Variants in SEC14L6 observed in about 807,000 individuals in gnomAD.
SEC14L6 encodes SEC14 like lipid binding 6, also known as SEC14-like protein 6.
Under a neutral mutation model 54.1 loss-of-function variants are expected in SEC14L6, and 40 were observed. The observed-to-expected ratio is 0.74, with a 90% CI of 0.57 to 0.96. The LOEUF is 0.96. Among genes scored for constraint, SEC14L6 ranks in the 40% least tolerant of loss-of-function variants. The pLI, the probability that SEC14L6 is intolerant of heterozygous loss-of-function variation, is 0.00. For missense variants in SEC14L6, 471 were observed against 498.3 expected (o/e 0.95, Z 0.52); for synonymous variants, 171 against 198.4 (o/e 0.86, Z 1.16).
chr22:30,540,367 CT>C (rs753718105), intron 1 of SEC14L6, among the ~76,000 whole-genome samples: 4,182 of 114,044 alleles, frequency 0.037, 73 homozygotes, highest in African/African-American at 0.088. Context: ...CTTTTTGTTC[CT>C]TTTTTTTTTT....
intron 8 of SEC14L6, among the ~76,000 whole-genome samples, chr22:30,526,662 A>G (rs1936790790): frequency 6.6e-6 from 1 of 151,518 alleles, no homozygotes; most frequent in Non-Finnish European, 1.5e-5. Flanking sequence ...CCCGGGAGGC[A>G]GAGGCTGCAG....
chr22:30,531,843 T>A, intron 6 of SEC14L6, 60 bp downstream of exon 6: 1 of 1,218,474 alleles, frequency 8.2e-7, no homozygotes, highest in Non-Finnish European at 1.2e-6. Context: ...CACCAGCAAG[T>A]GGAGGGTAAA....
chr22:30,537,459 A>G (rs537997600), intron 2 of SEC14L6, among the ~76,000 whole-genome samples: 2 of 152,238 alleles, frequency 1.3e-5, no homozygotes, highest in African/African-American at 2.4e-5. Context: ...TGCAAAAAAT[A>G]TACACAAAAA....
At chr22:30,545,485 C>T (rs1389372805) in intron 1 of SEC14L6, among the ~76,000 whole-genome samples, 1 of 152,062 alleles carries the variant, frequency 6.6e-6, no homozygotes, top group Non-Finnish European at 1.5e-5. Context: ...GTCTCGACCT[C>T]CTAGGCTCAA....
chr22:30,544,277 T>C, intron 1 of SEC14L6: 1 of 487,522 alleles, frequency 2.1e-6, no homozygotes, highest in Non-Finnish European at 3.7e-6. Flanking sequence ...TCTCCCCACA[T>C]TGCCACACAC....
intron 8 of SEC14L6, among the ~76,000 whole-genome samples, chr22:30,526,511 A>G (rs1300127807): frequency 6.6e-6 from 1 of 152,190 alleles, no homozygotes; most frequent in East Asian, 1.9e-4. Flanking sequence ...AGAGAGAAGG[A>G]CTGTATAAGC....
Position 30,525,649 on chromosome 22 carries a change from C to A in SEC14L6, c.873G>T (p.Gln291His). ...TRSVGRGSSL[Q>H]VENEILFPGC... is the part of the protein sequence containing the mutation. Reference sequence around the variant, plus strand: ...CCGGGAACAGGATCTCGTTCTCCACCTGCAGGGAGGAGCCGCGGCCCACGG... The same window carrying A: ...CCGGGAACAGGATCTCGTTCTCCACATGCAGGGAGGAGCCGCGGCCCACGG... Residue 291 changes from glutamine to histidine, a missense_variant, in exon 10 of 12, where the codon CAG becomes CAT. Gln to His is a conservative substitution (Grantham distance 24). Transcript: ENST00000402034. The A allele has an allele frequency of 6.2e-7, 1 of 1,610,662 alleles. No homozygotes were observed. The highest frequency in any genetic ancestry group is 1.1e-5 in the South Asian group (1 of 90,710).
At chr22:30,542,604 CG>C in intron 1 of SEC14L6, 2 of 1,515,064 alleles carry the variant, frequency 1.3e-6, no homozygotes, top group Non-Finnish European at 1.8e-6. Flanking sequence ...CCGGCCGCCT[CG>C]GGCCGCTGCT....
At chr22:30,536,774 C>T (rs1432172471) in intron 2 of SEC14L6, among the ~76,000 whole-genome samples, 41 of 152,096 alleles carry the variant, frequency 2.7e-4, no homozygotes, top group Admixed American at 2.6e-3. Flanking sequence ...CCTGTAATCC[C>T]AGCACTTTGG....
chr22:30,542,542 C>T, intron 1 of SEC14L6: 1 of 1,239,778 alleles, frequency 8.1e-7, no homozygotes, highest in Non-Finnish European at 1.1e-6. Context: ...CTAGTGCCTT[C>T]CAGCCCTCGC....
At chr22:30,538,335 C>CA (rs112815330) in intron 2 of SEC14L6, among the ~76,000 whole-genome samples, 3,103 of 92,882 alleles carry the variant, frequency 0.033, 118 homozygotes, top group African/African-American at 0.11. Flanking sequence ...TCCGTCTCAA[C>CA]AAAAAAAAAA....
intron 1 of SEC14L6, chr22:30,542,517 G>A: frequency 2.3e-6 from 2 of 872,262 alleles, no homozygotes; most frequent in Admixed American, 3.8e-5. Flanking sequence ...CCTCTGGGCA[G>A]CCCCGGCGGC....
At position 30,532,779 on chromosome 22, in the gene SEC14L6, G is replaced by A. The variant is rs1443739130; in HGVS notation, c.234+18C>T. ...CTGAGGGCCCAGGGATCAGGGTATGGGTTTGAGAGATGCTCACCTCTGGGG... is the reference window on the plus strand; with the variant it reads ...CTGAGGGCCCAGGGATCAGGGTATGAGTTTGAGAGATGCTCACCTCTGGGG... On this transcript the variant is annotated intron_variant, in intron 4 of 11. Transcript: ENST00000402034. The A allele has an allele frequency of 6.2e-7, 1 of 1,610,916 alleles. No individual in the cohort carries two copies. Among genetic ancestry groups the A allele is most frequent in the East Asian group, 2.2e-5 (1 of 44,794 alleles).
At chr22:30,537,938 A>G (rs546217432) in intron 2 of SEC14L6, among the ~76,000 whole-genome samples, 2 of 152,176 alleles carry the variant, frequency 1.3e-5, no homozygotes, top group African/African-American at 2.4e-5. Flanking sequence ...TAGAATTCCA[A>G]TAGAGATAAT....
chr22:30,540,369 T>C (rs9606751), intron 1 of SEC14L6, among the ~76,000 whole-genome samples: 7,542 of 101,314 alleles, frequency 0.074, 224 homozygotes, highest in Admixed American at 0.098. Context: ...TTTTGTTCCT[T>C]TTTTTTTTTT....
intron 6 of SEC14L6, among the ~76,000 whole-genome samples, chr22:30,531,653 G>A (rs1390199378): frequency 2.0e-5 from 3 of 152,166 alleles, no homozygotes; most frequent in Non-Finnish European, 4.4e-5. Context: ...GAACCCGGGA[G>A]GTGAAGGTTG....
chr22:30,529,945 T>C (rs1179004503), intron 6 of SEC14L6, among the ~76,000 whole-genome samples: 1 of 152,208 alleles, frequency 6.6e-6, no homozygotes, highest in African/African-American at 2.4e-5. Context: ...CTTTTAAAAT[T>C]TTAAATAAGA....
chr22:30,533,767 A>G (rs1484113708), intron 3 of SEC14L6, among the ~76,000 whole-genome samples: 1 of 151,974 alleles, frequency 6.6e-6, no homozygotes. Flanking sequence ...TCTTCATTGT[A>G]CTTTCCATTC....
chr22:30,526,276 G>C (rs1269427633), intron 8 of SEC14L6, among the ~76,000 whole-genome samples: 3 of 152,226 alleles, frequency 2.0e-5, no homozygotes, highest in Non-Finnish European at 2.9e-5. Flanking sequence ...TTGAGGTCAG[G>C]CAGGCTATGA....
Sources: gnomAD v4.1 joint callset for allele counts (sites outside exome capture counted in the v4.1 genomes callset) on GRCh38, gnomAD v4.1.1 for gene constraint, MANE v1.5 for transcripts, NCBI Gene and HGNC (gene_info 2026-07-23, HGNC 2026-07-21) for gene names.